Variants in SENP7 observed in about 807,000 individuals in gnomAD.
The protein encoded by SENP7 is SUMO specific peptidase 7, also known as sentrin-specific protease 7.
SENP7 carries 64 observed loss-of-function variants against 141.2 expected under a neutral mutation model. The ratio of observed to expected loss-of-function variants is 0.45; its 90% CI spans 0.37 to 0.56. The LOEUF (loss-of-function observed/expected upper bound fraction) is 0.56, where lower values mean the gene tolerates loss of function less well. Ranked by LOEUF, SENP7 falls within the 20% of genes least tolerant of loss-of-function variation. The probability of loss-of-function intolerance (pLI) is 0.00; values close to 1 mark genes in which losing one functional copy is unlikely to be tolerated. For missense variants in SENP7, 1,025 were observed against 1,212.2 expected (o/e 0.85, Z 2.29); for synonymous variants, 382 against 426.4 (o/e 0.90, Z 1.28).
At chr3:101,489,440 G>C (rs1302164650) in intron 3 of SENP7, among the ~76,000 whole-genome samples, 2 of 146,902 alleles carry the variant, frequency 1.4e-5, no homozygotes, top group Admixed American at 6.8e-5. Context: ...AACATTCACA[G>C]GCTCAAAGTA....
chr3:101,404,955 G>A (rs901642313), intron 5 of SENP7, among the ~76,000 whole-genome samples: 7 of 152,170 alleles, frequency 4.6e-5, no homozygotes, highest in Non-Finnish European at 8.8e-5. Flanking sequence ...TGGCACAGGC[G>A]TTCTCTCACA....
intron 4 of SENP7, among the ~76,000 whole-genome samples, chr3:101,441,343 G>A (rs1026158148): frequency 1.3e-5 from 2 of 152,022 alleles, no homozygotes; most frequent in Non-Finnish European, 2.9e-5. Context: ...GGGACCCAAG[G>A]ACAGGTGCAC....
chr3:101,434,419 A>C (rs1417560184), intron 4 of SENP7, among the ~76,000 whole-genome samples: 1 of 151,972 alleles, frequency 6.6e-6, no homozygotes, highest in Non-Finnish European at 1.5e-5. Flanking sequence ...GAAGAGAAAA[A>C]ATAAAGAGAG....
At chr3:101,467,178 G>A (rs571124778) in intron 3 of SENP7, among the ~76,000 whole-genome samples, 33 of 152,342 alleles carry the variant, frequency 2.2e-4, no homozygotes, top group South Asian at 4.1e-4. Flanking sequence ...CAAAGTGGCC[G>A]GGCAGCTAGA....
intron 4 of SENP7, among the ~76,000 whole-genome samples, chr3:101,438,668 T>C (rs993689669): frequency 5.9e-5 from 9 of 152,242 alleles, no homozygotes; most frequent in African/African-American, 1.7e-4. Flanking sequence ...TTAAAATAGA[T>C]ACATGTTATT....
chr3:101,408,466 G>A (rs992170312), intron 5 of SENP7, among the ~76,000 whole-genome samples: 2 of 151,808 alleles, frequency 1.3e-5, no homozygotes, highest in Admixed American at 6.6e-5. Context: ...CCAAAACCAA[G>A]AAAGGACATT....
At position 101,398,846 on chromosome 3, in the gene SENP7, T is replaced by G; in HGVS notation, c.677+15A>C. On this transcript the variant is annotated intron_variant, in intron 6 of 23. Transcript: ENST00000394095. The stretch of plus-strand genomic sequence containing the variant: ...TAAATATAATTATTTTGAGTAAAGT[T>G]ATCACTAAACATACCTTTCAGATAA... 1 of 1,498,554 alleles carries G rather than the reference T, an allele frequency of 6.7e-7. No homozygotes were observed. Among genetic ancestry groups the G allele is most frequent in the Non-Finnish European group, 9.0e-7 (1 of 1,106,834 alleles). 92.8% of individuals were successfully genotyped at this position (1,498,554 alleles called of 1,614,324 possible).
chr3:101,389,810 A>G (rs1203833800), intron 6 of SENP7, among the ~76,000 whole-genome samples: 1 of 152,224 alleles, frequency 6.6e-6, no homozygotes, highest in African/African-American at 2.4e-5. Context: ...AAATGATAAA[A>G]GTGGAAGAAA....
chr3:101,454,692 C>A (rs1307542225), intron 4 of SENP7, among the ~76,000 whole-genome samples: 1 of 152,030 alleles, frequency 6.6e-6, no homozygotes, highest in East Asian at 1.9e-4. Context: ...ATATATGCTA[C>A]AATATTAATA....
At chr3:101,344,332 C>T (rs771831243) in intron 13 of SENP7, among the ~76,000 whole-genome samples, 29 of 152,324 alleles carry the variant, frequency 1.9e-4, no homozygotes, top group Non-Finnish European at 3.8e-4. Context: ...ACACCTCCTA[C>T]ATTTTCTCCT....
Position 101,367,990 on chromosome 3 carries a change from C to G in SENP7, c.818G>C (p.Gly273Ala), listed in dbSNP as rs1402428375. Residue 273 changes from glycine to alanine, a missense_variant, in exon 8 of 24, where the codon GGT (glycine) becomes GCT (alanine). Physicochemically the swap from Gly to Ala is moderately conservative, Grantham distance 60 (BLOSUM62 0). This residue lies in a region of SENP7 where 496 missense variants were observed against 503.5 expected (regional missense o/e 0.99). Transcript: ENST00000394095. Reference sequence around the variant, plus strand: ...GCTTTCCTGTTCGAGATGATCACAACCTCTACTTCCACTGTTAAGGTCTTA... The same window carrying G: ...GCTTTCCTGTTCGAGATGATCACAAGCTCTACTTCCACTGTTAAGGTCTTA... Reference protein sequence around the residue: ...QPEDLNSGSRGCDHLEQESRN... With the variant: ...QPEDLNSGSRACDHLEQESRN... The G allele has an allele frequency of 3.0e-5, 48 of 1,611,236 alleles. No homozygotes were observed. Among genetic ancestry groups the G allele is most frequent in the Non-Finnish European group, 4.1e-5 (48 of 1,178,918 alleles).
chr3:101,472,206 T>C (rs1484265738), intron 3 of SENP7, among the ~76,000 whole-genome samples: 3 of 152,222 alleles, frequency 2.0e-5, no homozygotes, highest in African/African-American at 7.2e-5. Context: ...CGCACACATA[T>C]GTTTATTGCA....
Position 101,351,646 on chromosome 3 carries a change from TG to T in SENP7, c.1628del (p.Thr543LysfsTer13). ...KGASKGCVTI[T>X]KKYIKIPFQV... ...GAAATGGGATCTTAATATATTTTTT[TG>T]TGATCTGAAGAAAAAATTAAAAAGC... On this transcript the variant is annotated frameshift_variant, in exon 12 of 24. Transcript: ENST00000394095. LOFTEE classifies it high-confidence loss of function. The T allele has an allele frequency of 7.4e-7, 1 of 1,351,020 alleles. No homozygotes were observed. Among genetic ancestry groups the T allele is most frequent in the South Asian group, 1.9e-5 (1 of 51,412 alleles). 83.7% of individuals were successfully genotyped at this position (1,351,020 alleles called of 1,614,324 possible). A position where few individuals can be genotyped will look rare whatever the true frequency, so the allele number is the denominator to read the frequency against.
chr3:101,468,888 C>T (rs184755030), intron 3 of SENP7, among the ~76,000 whole-genome samples: 2 of 152,248 alleles, frequency 1.3e-5, no homozygotes, highest in Admixed American at 1.3e-4. Context: ...GGGCTAAATA[C>T]CCCAATTAAA....
At chr3:101,415,111 G>GA (rs1199407124) in intron 5 of SENP7, among the ~76,000 whole-genome samples, 10 of 150,150 alleles carry the variant, frequency 6.7e-5, no homozygotes, top group African/African-American at 9.8e-5. Context: ...ACTTAGAAGG[G>GA]AAAAAAAAGT....
At position 101,355,438 on chromosome 3, in the gene SENP7, G is replaced by A. The variant is rs568513908; in HGVS notation, c.1624-3787C>T. ...TCAGTCTTCTGCATATGGCTAGCCA[G>A]TTATCTTAGCACCGTTTATTGAATA... On this transcript the variant is annotated intron_variant, in intron 11 of 23. Transcript: ENST00000394095. Among the ~76,000 whole-genome samples the A allele has an allele frequency of 1.3e-4, 20 of 152,314 alleles. No individual in the cohort carries two copies. In the South Asian group the frequency reaches 4.1e-3, roughly 32 times the overall value.
rs11714410 is a variant in SENP7, at chr3:101,370,331, G to A, written c.796+1677C>T. On this transcript the variant is annotated intron_variant, in intron 7 of 23. Coordinates refer to ENST00000394095, the MANE Select transcript of SENP7 (RefSeq NM_020654.5). ...TGGGTAGAGTAGGAATCTTTGTCTT[G>A]ATAGTACCTGAACTGAGCCCACTTG... 3.6e-3 allele frequency among the ~76,000 whole-genome samples: 547 copies of A among 152,136 alleles called. 3 individuals are homozygous for A. Among genetic ancestry groups the A allele is most frequent in the Non-Finnish European group, 6.2e-3 (420 of 67,988 alleles).
At chr3:101,478,108 G>A (rs182865875) in intron 3 of SENP7, among the ~76,000 whole-genome samples, 2 of 152,064 alleles carry the variant, frequency 1.3e-5, no homozygotes, top group South Asian at 2.1e-4. Context: ...GAACAACTAC[G>A]AGCTAACAAA....
In SENP7 at chr3:101,361,702, A is replaced by T. The variant is rs373514641; in HGVS notation, c.1623+13T>A. On this transcript the variant is annotated intron_variant, in intron 11 of 23. Coordinates refer to ENST00000394095, the MANE Select transcript of SENP7 (RefSeq NM_020654.5). ...GATCCAAACTAAAAGAAAATTAAAG[A>T]AAATATACTTACTGTAACACAACCT... 1 of 1,539,204 alleles carries T rather than the reference A, an allele frequency of 6.5e-7. No individual in the cohort carries two copies. Among genetic ancestry groups the T allele is most frequent in the Admixed American group, 2.3e-5 (1 of 43,374 alleles).
Sources: gnomAD v4.1 joint callset for allele counts (sites outside exome capture counted in the v4.1 genomes callset) on GRCh38, gnomAD v4.1.1 for gene constraint, gnomAD v4.1.1 regional missense constraint, MANE v1.5 for transcripts, NCBI Gene and HGNC (gene_info 2026-07-23, HGNC 2026-07-21) for gene names.